The following SVOP variants were observed in gnomAD, a reference collection of about 807,000 sequenced individuals.
SVOP encodes SV2 related protein.
In SVOP, 17 loss-of-function variants were observed where a neutral mutation model predicts 69.1. That is an observed-to-expected ratio of 0.25 (90% confidence interval 0.17 to 0.37). The LOEUF (loss-of-function observed/expected upper bound fraction) is 0.37, where lower values mean the gene tolerates loss of function less well. Ranked by LOEUF, SVOP falls within the 10% of genes least tolerant of loss-of-function variation. SVOP has a pLI of 1.00. For missense variants in SVOP, 435 were observed against 597.5 expected (o/e 0.73, Z 2.84); for synonymous variants, 238 against 238.6 (o/e 1.00, Z 0.02).
Position 108,933,899 on chromosome 12 carries a change from C to T in SVOP, c.1048+296G>A, listed in dbSNP as rs181621727. Reference sequence around the variant, plus strand: ...AGCTCTTTTCTACTGATTCATAAATCGCTGTCCGCTCAGATAAACTCTTCA... The same window carrying T: ...AGCTCTTTTCTACTGATTCATAAATTGCTGTCCGCTCAGATAAACTCTTCA... On this transcript the variant is annotated intron_variant, in intron 11 of 15. Coordinates refer to ENST00000610966, the MANE Select transcript of SVOP (RefSeq NM_018711.5). Among the ~76,000 whole-genome samples, 3 of 152,226 alleles carry T rather than the reference C, an allele frequency of 2.0e-5. No individual in the cohort carries two copies. In the East Asian group the frequency reaches 5.8e-4, roughly 29 times the overall value.
intron 6 of SVOP, among the ~76,000 whole-genome samples, chr12:108,960,342 T>A (rs1362436474): frequency 2.0e-5 from 3 of 151,850 alleles, no homozygotes; most frequent in Non-Finnish European, 2.9e-5. Flanking sequence ...AAATAGGAAG[T>A]CCTCCTCGAT....
At chr12:108,977,575 A>T in intron 3 of SVOP, 79 bp from the exon 4 acceptor site, 1 of 917,512 alleles carries the variant, frequency 1.1e-6, no homozygotes, top group South Asian at 1.4e-5. Context: ...ATAACCCCAG[A>T]GACAGAGACT....
intron 1 of SVOP, among the ~76,000 whole-genome samples, chr12:109,011,761 T>C (rs1706498609): frequency 1.3e-5 from 2 of 152,234 alleles, no homozygotes. Context: ...AATGGAATAC[T>C]ATTCAGCATT....
Position 108,918,025 on chromosome 12 carries a change from C to T in SVOP, c.1350+18G>A. Reference sequence around the variant, plus strand: ...CCCCACTGCCCGTTCCCCAGCAGCTCCCAGACACCCCTCCTACCTCAGGTG... The same window carrying T: ...CCCCACTGCCCGTTCCCCAGCAGCTTCCAGACACCCCTCCTACCTCAGGTG... On this transcript the variant is annotated intron_variant, in intron 14 of 15. Coordinates refer to ENST00000610966, the MANE Select transcript of SVOP (RefSeq NM_018711.5). 6.4e-7 allele frequency: 1 copy of T among 1,553,544 alleles called. No individual in the cohort carries two copies. Among genetic ancestry groups the T allele is most frequent in the Non-Finnish European group, 8.7e-7 (1 of 1,149,416 alleles).
intron 1 of SVOP, among the ~76,000 whole-genome samples, chr12:109,012,897 C>T (rs531541695): frequency 6.6e-6 from 1 of 152,076 alleles, no homozygotes; most frequent in Non-Finnish European, 1.5e-5. Context: ...CCACTGCACT[C>T]GAGCCTGGGC....
At chr12:109,003,758 C>T (rs1204718984) in intron 1 of SVOP, among the ~76,000 whole-genome samples, 1 of 152,178 alleles carries the variant, frequency 6.6e-6, no homozygotes, top group Non-Finnish European at 1.5e-5. Flanking sequence ...CAGGCGTTTG[C>T]CACCGTATCC....
intron 6 of SVOP, among the ~76,000 whole-genome samples, chr12:108,954,048 G>A (rs897864465): frequency 1.4e-5 from 2 of 146,502 alleles, no homozygotes; most frequent in African/African-American, 5.2e-5. Context: ...GGAGGTGGAG[G>A]TTGCAGTGAG....
At position 108,915,942 on chromosome 12, in the gene SVOP, A is replaced by G. The variant is rs1457074731; in HGVS notation, c.1351-70T>C. On this transcript the variant is annotated intron_variant, in intron 14 of 15. Coordinates refer to ENST00000610966, the MANE Select transcript of SVOP (RefSeq NM_018711.5). The stretch of plus-strand genomic sequence containing the variant: ...CTCCCACCACTCCAGCTCCAAGCTG[A>G]TAGGACCAACCTCAGGGGCAGGCCG... 31 of 1,423,474 alleles carry G rather than the reference A, an allele frequency of 2.2e-5. No homozygotes were observed. In the East Asian group the frequency reaches 8.1e-4, roughly 37 times the overall value. The allele number at this position is 1,423,474 out of a possible 1,614,324, so 88.2% of individuals were successfully genotyped here.
In SVOP at chr12:108,940,916, C is replaced by T; in HGVS notation, c.643-7G>A. ...TCCCGATGGCCCAGAATACCTGGCA[C>T]AGGAGAATCAGGGTCAGTGGTGGGG... On this transcript the variant is annotated splice_region_variant and splice_polypyrimidine_tract_variant and intron_variant, in intron 7 of 15. Coordinates refer to ENST00000610966, the MANE Select transcript of SVOP (RefSeq NM_018711.5). The T allele has an allele frequency of 1.3e-6, 2 of 1,536,184 alleles. No individual in the cohort carries two copies. The highest frequency in any genetic ancestry group is 1.7e-6 in the Non-Finnish European group (2 of 1,146,138).
intron 1 of SVOP, among the ~76,000 whole-genome samples, chr12:109,003,422 G>A (rs2040285291): frequency 6.6e-6 from 1 of 152,196 alleles, no homozygotes; most frequent in Non-Finnish European, 1.5e-5. Context: ...TGTGAAGTGG[G>A]AATGACAGCC....
chr12:108,952,618 G>A (rs752532849), intron 6 of SVOP, among the ~76,000 whole-genome samples: 3 of 152,152 alleles, frequency 2.0e-5, no homozygotes, highest in Non-Finnish European at 2.9e-5. Flanking sequence ...GCCAAGATGG[G>A]AGGATCACTT....
In SVOP at chr12:108,922,703, G is replaced by T. The variant is rs758373387; in HGVS notation, c.1143C>A (p.Leu381=). 1.2e-6 allele frequency: 2 copies of T among 1,609,280 alleles called. No homozygotes were observed. The highest frequency in any genetic ancestry group is 1.7e-6 in the Non-Finnish European group (2 of 1,178,086). ...EDYMDLLWTT[L]SEFPGVLVTL... ...CAGGTCCCTCACCTGGAAACTCAGA[G>T]AGGGTGGTCCACAGCAAGTCCATGT... Residue 381 remains leucine (L), a synonymous_variant, in exon 12 of 16, where the codon CTC becomes CTA. Transcript: ENST00000610966.
At chr12:108,983,799 C>T in intron 1 of SVOP, 38 bp from the exon 2 acceptor site, 1 of 398,788 alleles carries the variant, frequency 2.5e-6, no homozygotes, top group Non-Finnish European at 4.4e-6. Context: ...ATGGCTAAAG[C>T]TTCCCCCAAA....
chr12:109,009,106 C>T (rs901051450), intron 1 of SVOP, among the ~76,000 whole-genome samples: 1 of 151,230 alleles, frequency 6.6e-6, no homozygotes, highest in Non-Finnish European at 1.5e-5. Context: ...GGATTACAGG[C>T]GCGAGCCACA....
chr12:108,950,813 A>G lies in SVOP; in HGVS notation c.579-5647T>C, dbSNP rs143771258. 7.3e-3 allele frequency among the ~76,000 whole-genome samples: 1,107 copies of G among 152,302 alleles called. 16 individuals are homozygous for G. Among genetic ancestry groups the G allele is most frequent in the African/African-American group, 0.025 (1,030 of 41,562 alleles). On this transcript the variant is annotated intron_variant, in intron 6 of 15. Coordinates refer to ENST00000610966, the MANE Select transcript of SVOP (RefSeq NM_018711.5). ...GCTTTTGCCACCTGTGCCACAAGAA[A>G]CATCTTTTCCTATAATTGTTGTGCC...
At chr12:108,978,029 C>T (rs2040116577) in intron 3 of SVOP, among the ~76,000 whole-genome samples, 1 of 152,034 alleles carries the variant, frequency 6.6e-6, no homozygotes, top group South Asian at 2.1e-4. Flanking sequence ...AGAAGCATGC[C>T]CATGTCTTGG....
Position 108,907,919 on chromosome 12 carries a change from G to C in SVOP, c.*4616C>G, listed in dbSNP as rs930774143. 6.6e-6 allele frequency: 1 copy of C among 152,238 alleles called. No homozygotes were observed. Among genetic ancestry groups the C allele is most frequent in the Non-Finnish European group, 1.5e-5 (1 of 68,056 alleles). 9.4% of individuals were successfully genotyped at this position (152,238 alleles called of 1,614,324 possible). On this transcript the variant is annotated 3_prime_UTR_variant, in exon 16 of 16. Coordinates refer to ENST00000610966, the MANE Select transcript of SVOP (RefSeq NM_018711.5). ...ATGCACATGTCACTGCAGATTCCAG[G>C]CATACCAGCAATTGTCTGCACCACC...
intron 5 of SVOP, among the ~76,000 whole-genome samples, chr12:108,969,587 A>G (rs1312271679): frequency 6.6e-6 from 1 of 150,532 alleles, no homozygotes; most frequent in Non-Finnish European, 1.5e-5. Flanking sequence ...TCGGCCTCCC[A>G]AAGTGCTGGG....
chr12:108,950,636 C>T (rs1017004215), intron 6 of SVOP, among the ~76,000 whole-genome samples: 1 of 151,882 alleles, frequency 6.6e-6, no homozygotes, highest in Non-Finnish European at 1.5e-5. Context: ...CCTGCTTCAG[C>T]TTCCTTCTGA....
Sources: allele counts gnomAD v4.1 joint callset (sites outside exome capture counted in the v4.1 genomes callset), GRCh38; gene constraint gnomAD v4.1.1; transcripts MANE v1.5; gene names NCBI Gene and HGNC (gene_info 2026-07-23, HGNC 2026-07-21).